The following PTK7 variants were observed in gnomAD, a reference collection of about 807,000 sequenced individuals.
PTK7 encodes inactive tyrosine-protein kinase 7.
A neutral mutation model predicts 116.6 loss-of-function variants in PTK7; 39 were observed. The observed-to-expected ratio is 0.33, with a 90% confidence interval of 0.26 to 0.44. The LOEUF is 0.44. Ranked by LOEUF, PTK7 falls within the 20% of genes least tolerant of loss-of-function variation. The pLI, the probability that PTK7 is intolerant of heterozygous loss-of-function variation, is 1.00. For missense variants in PTK7, 1,169 were observed against 1,425.6 expected (o/e 0.82, Z 2.90); for synonymous variants, 546 against 563.6 (o/e 0.97, Z 0.44).
In PTK7 at chr6:43,139,279, A is replaced by G. The variant is rs941282914; in HGVS notation, c.1498+8A>G. On this transcript the variant is annotated splice_region_variant and intron_variant, in intron 9 of 19. Transcript: ENST00000230419. The surrounding 1 kb of genome is among the most constrained non-coding windows in gnomAD (Gnocchi z 4.6). ...CCCGTGTCCAAGTGCTGGGTGAGCCAGCATGTCTTGGGGGAGCACCCTTCC... is the reference window on the plus strand; with the variant it reads ...CCCGTGTCCAAGTGCTGGGTGAGCCGGCATGTCTTGGGGGAGCACCCTTCC... 1 of 1,614,216 alleles carries G rather than the reference A, an allele frequency of 6.2e-7. No individual in the cohort carries two copies. Among genetic ancestry groups the G allele is most frequent in the Admixed American group, 1.7e-5 (1 of 60,032 alleles).
chr6:43,158,020 T>C (rs544710245), intron 17 of PTK7, among the ~76,000 whole-genome samples: 50 of 151,958 alleles, frequency 3.3e-4, no homozygotes, highest in African/African-American at 1.0e-3. Context: ...AGCTGGGGGC[T>C]GGGCGCAGTG....
At chr6:43,080,011 T>G (rs1190982761) in intron 1 of PTK7, among the ~76,000 whole-genome samples, 1 of 136,572 alleles carries the variant, frequency 7.3e-6, no homozygotes, top group Non-Finnish European at 1.5e-5. Flanking sequence ...CAGTAAGCCA[T>G]GATTGTGTCA....
chr6:43,115,842 T>C (rs186129275), intron 1 of PTK7, among the ~76,000 whole-genome samples: 162 of 149,550 alleles, frequency 1.1e-3, no homozygotes, highest in African/African-American at 3.5e-3. Flanking sequence ...ATGGGAGAAT[T>C]GCTTGAGCCC....
At chr6:43,126,907 T>C (rs1028716872) in intron 1 of PTK7, among the ~76,000 whole-genome samples, 3 of 152,216 alleles carry the variant, frequency 2.0e-5, no homozygotes, top group African/African-American at 7.2e-5. Context: ...ATGGGCTGCT[T>C]GGAGCTGCTT....
chr6:43,116,647 T>TGCGCGCGCGC (rs1417461604), intron 1 of PTK7, among the ~76,000 whole-genome samples: 1 of 74,254 alleles, frequency 1.3e-5, no homozygotes, highest in African/African-American at 6.2e-5. Context: ...TGTGTGTGTG[T>TGCGCGCGCGC]GTGTGCGCGC....
Position 43,129,699 on chromosome 6 carries a change from C to T in PTK7, c.368-28C>T. The stretch of plus-strand genomic sequence containing the variant: ...TTCCCGCCTTTGCCCTGCTCTGCCC[C>T]TCACTGCAACCGTGGCCTCTGCTAC... On this transcript the variant is annotated intron_variant, in intron 2 of 19. Coordinates refer to ENST00000230419, the MANE Select transcript of PTK7 (RefSeq NM_002821.5). This position sits in a 1 kb window ranked among gnomAD's most constrained non-coding sequence, Gnocchi z 4.5. 1 of 1,605,638 alleles carries T rather than the reference C, an allele frequency of 6.2e-7. No individual in the cohort carries two copies. Among genetic ancestry groups the T allele is most frequent in the African/African-American group, 1.3e-5 (1 of 74,852 alleles).
At chr6:43,099,186 GA>G (rs1202078969) in intron 1 of PTK7, among the ~76,000 whole-genome samples, 2 of 136,872 alleles carry the variant, frequency 1.5e-5, no homozygotes, top group Admixed American at 1.4e-4. Flanking sequence ...GTAAAACAAA[GA>G]AAAAAAAAGA....
chr6:43,130,282 A>G lies in PTK7; in HGVS notation c.523A>G (p.Asn175Asp). ...DGTPLSDGQS[N>D]HTVSSKERNL... ...GACCCCCCTTTCTGATGGTCAGAGC[A>G]ACCACACAGTCAGCAGCAAGGAGCG... Residue 175 changes from asparagine to aspartate, a missense_variant, in exon 4 of 20, where the codon AAC becomes GAC. Physicochemically the swap from Asn to Asp is conservative, Grantham distance 23. Coordinates refer to ENST00000230419, the MANE Select transcript of PTK7 (RefSeq NM_002821.5). 2 of 1,609,446 alleles carry G rather than the reference A, an allele frequency of 1.2e-6. No homozygotes were observed. Among genetic ancestry groups the G allele is most frequent in the Middle Eastern group, 1.7e-4 (1 of 6,050 alleles).
chr6:43,109,702 T>C (rs1416548723), intron 1 of PTK7, among the ~76,000 whole-genome samples: 1 of 140,436 alleles, frequency 7.1e-6, no homozygotes, highest in East Asian at 2.0e-4. Flanking sequence ...GAGTATTTTC[T>C]TTTTTTTTTT....
chr6:43,116,846 C>G (rs1344451167), intron 1 of PTK7, among the ~76,000 whole-genome samples: 5 of 152,024 alleles, frequency 3.3e-5, no homozygotes, highest in African/African-American at 1.2e-4. Flanking sequence ...TTTTTTGAGA[C>G]TCAGTTTCGC....
chr6:43,143,908 T>A lies in PTK7; in HGVS notation c.2251+288T>A, dbSNP rs1320165463. On this transcript the variant is annotated intron_variant, in intron 14 of 19. Coordinates refer to ENST00000230419, the MANE Select transcript of PTK7 (RefSeq NM_002821.5). The surrounding 1 kb of genome is among the most constrained non-coding windows in gnomAD (Gnocchi z 4.2). The stretch of plus-strand genomic sequence containing the variant: ...AAACCACAGATATCATTAGTATATG[T>A]ACACACGTTGCTGTTGCATGTCTTG... Among the ~76,000 whole-genome samples, 6 of 152,366 alleles carry A rather than the reference T, an allele frequency of 3.9e-5. No individual in the cohort carries two copies. Among genetic ancestry groups the A allele is most frequent in the South Asian group, 2.1e-4 (1 of 4,832 alleles).
intron 1 of PTK7, among the ~76,000 whole-genome samples, chr6:43,120,931 G>C (rs1428986542): frequency 2.6e-5 from 4 of 152,050 alleles, no homozygotes; most frequent in Non-Finnish European, 4.4e-5. Context: ...GCCAATAAAG[G>C]GTCACTAAGG....
chr6:43,083,486 G>T (rs569874660), intron 1 of PTK7, among the ~76,000 whole-genome samples: 1 of 152,372 alleles, frequency 6.6e-6, no homozygotes, highest in Admixed American at 6.5e-5. Flanking sequence ...GAGCTGGCCT[G>T]AGAGATGCCA....
intron 1 of PTK7, among the ~76,000 whole-genome samples, chr6:43,127,536 A>C (rs1036459492): frequency 6.6e-6 from 1 of 152,220 alleles, no homozygotes. Flanking sequence ...ATAATGGTGC[A>C]GGAAGGGGAA....
chr6:43,156,302 G>T (rs1468111498), intron 17 of PTK7, among the ~76,000 whole-genome samples: 1 of 148,172 alleles, frequency 6.7e-6, no homozygotes, highest in African/African-American at 2.5e-5. Flanking sequence ...CATGTCCAGT[G>T]ATTTAAAAAA....
chr6:43,143,195 C>A lies in PTK7; in HGVS notation c.2048-222C>A. On this transcript the variant is annotated intron_variant, in intron 13 of 19. Transcript: ENST00000230419. The surrounding 1 kb of genome is among the most constrained non-coding windows in gnomAD (Gnocchi z 4.2). ...GTGTCGCCTGTCTTGGCTTCCGATG[C>A]AAAGCCAGCTTGGGAACCCCTGGCC... is the stretch of plus-strand genomic sequence containing the variant. 1 of 516,326 alleles carries A rather than the reference C, an allele frequency of 1.9e-6. No individual in the cohort carries two copies. 32.0% of individuals were successfully genotyped at this position (516,326 alleles called of 1,614,324 possible).
intron 1 of PTK7, among the ~76,000 whole-genome samples, chr6:43,123,994 G>GGCA (rs976094739): frequency 1.6e-4 from 25 of 152,196 alleles, no homozygotes; most frequent in African/African-American, 5.3e-4. Context: ...AGGGCTGTTT[G>GGCA]GCAGCAGCAA....
chr6:43,156,087 G>T (rs1264808025), intron 17 of PTK7, among the ~76,000 whole-genome samples: 1 of 151,730 alleles, frequency 6.6e-6, no homozygotes, highest in East Asian at 1.9e-4. Flanking sequence ...AAATTAGCTG[G>T]GTGTCATGGT....
At chr6:43,158,215 C>T (rs900442083) in intron 17 of PTK7, among the ~76,000 whole-genome samples, 26 of 151,612 alleles carry the variant, frequency 1.7e-4, no homozygotes, top group Non-Finnish European at 3.1e-4. Flanking sequence ...AGGAGAATGG[C>T]GTGAACCCGG....
Sources: gnomAD v4.1 joint callset for allele counts (sites outside exome capture counted in the v4.1 genomes callset) on GRCh38, gnomAD v4.1.1 for gene constraint, Gnocchi (gnomAD v3.1) non-coding constraint, MANE v1.5 for transcripts, NCBI Gene and HGNC (gene_info 2026-07-23, HGNC 2026-07-21) for gene names.